ZFHX3: variants seen among roughly 807,000 people sequenced by gnomAD.
The protein encoded by ZFHX3 is zinc finger homeobox 3.
ZFHX3 carries 42 observed loss-of-function variants against 279.1 expected under a neutral mutation model. That is an observed-to-expected ratio of 0.15 (90% confidence interval 0.12 to 0.19). The LOEUF is 0.19. Ranked by LOEUF, ZFHX3 falls within the 10% of genes least tolerant of loss-of-function variation. The pLI is 1.00. For missense variants in ZFHX3, 4,981 were observed against 4,754.0 expected, an observed-to-expected ratio of 1.05 and a Z score of -1.40; for synonymous variants, 2,293 against 1,957.8, an observed-to-expected ratio of 1.17 and a Z score of -4.52.
intron 3 of ZFHX3, among the ~76,000 whole-genome samples, chr16:73,447,095 G>A (rs1203398820): frequency 6.6e-6 from 1 of 151,276 alleles, no homozygotes; most frequent in Non-Finnish European, 1.5e-5. Context: ...GCAGGAGAAT[G>A]GCATGAACCC....
chr16:73,747,716 T>A (rs2053717084), intron 1 of ZFHX3, among the ~76,000 whole-genome samples: 1 of 151,872 alleles, frequency 6.6e-6, no homozygotes, highest in Admixed American at 6.6e-5. Flanking sequence ...ATTGTATATA[T>A]ACAACTTGAT....
At chr16:73,231,845 C>G (rs1201336713) in intron 5 of ZFHX3, among the ~76,000 whole-genome samples, 6 of 152,216 alleles carry the variant, frequency 3.9e-5, no homozygotes, top group Non-Finnish European at 7.3e-5. Context: ...CTCCAAAGCC[C>G]TGCCTTGGAG....
At chr16:72,901,546 A>G (rs906335973) in intron 3 of ZFHX3, among the ~76,000 whole-genome samples, 4 of 152,186 alleles carry the variant, frequency 2.6e-5, no homozygotes, top group African/African-American at 9.7e-5. Context: ...AGAGAATGAG[A>G]AAGTGACGGG....
chr16:73,613,442 TTTTG>T (rs1040946195), intron 2 of ZFHX3, among the ~76,000 whole-genome samples: 7 of 151,892 alleles, frequency 4.6e-5, no homozygotes, highest in African/African-American at 1.7e-4. Flanking sequence ...CTTTTGCTTT[TTTTG>T]TTTGTTTGTT....
At chr16:73,267,190 G>T (rs1002485083) in intron 4 of ZFHX3, among the ~76,000 whole-genome samples, 5 of 152,190 alleles carry the variant, frequency 3.3e-5, no homozygotes, top group Non-Finnish European at 7.3e-5. Flanking sequence ...AAGGAGAAGG[G>T]GGTTCTGATG....
chr16:73,324,897 G>T (rs1030155930), intron 3 of ZFHX3, among the ~76,000 whole-genome samples: 1 of 152,180 alleles, frequency 6.6e-6, no homozygotes, highest in East Asian at 1.9e-4. Flanking sequence ...ACAGCCCAGA[G>T]TGCTTCCAAT....
chr16:73,248,640 A>G (rs559542196), intron 5 of ZFHX3, among the ~76,000 whole-genome samples: 116 of 110,198 alleles, frequency 1.1e-3, no homozygotes, highest in Middle Eastern at 8.2e-3. Flanking sequence ...GTATGTGGAG[A>G]ATGTATGTGT....
intron 1 of ZFHX3, chr16:73,816,048 G>T (rs1169807629): frequency 6.6e-6 from 1 of 152,190 alleles, no homozygotes. Context: ...AAATGGTAGA[G>T]ACTGTATTGG....
intron 3 of ZFHX3, chr16:73,401,260 A>T (rs976685944): frequency 6.6e-6 from 1 of 152,024 alleles, no homozygotes; most frequent in Non-Finnish European, 1.5e-5. Flanking sequence ...TCACAAATGA[A>T]AGTGCTTTGT....
At chr16:73,578,611 C>T (rs1182984812) in intron 2 of ZFHX3, among the ~76,000 whole-genome samples, 2 of 151,892 alleles carry the variant, frequency 1.3e-5, no homozygotes, top group East Asian at 3.8e-4. Context: ...AACAGACACC[C>T]AAGGAAGTGA....
In ZFHX3 at chr16:73,007,999, T is replaced by C. The variant is rs142617499; in HGVS notation, c.-50+39753A>G. Among the ~76,000 whole-genome samples the C allele has an allele frequency of 1.4e-4, 22 of 152,332 alleles. No homozygotes were observed. In the East Asian group the frequency reaches 3.3e-3, roughly 23 times the overall value. Reference sequence around the variant, plus strand: ...TTTCTCTTTTCTTAATTAAACATGATAGTGATTTGGTCTACTTCCTTGGCC... The same window carrying C: ...TTTCTCTTTTCTTAATTAAACATGACAGTGATTTGGTCTACTTCCTTGGCC... On this transcript the variant is annotated intron_variant, in intron 1 of 9. Coordinates refer to ENST00000268489, the MANE Select transcript of ZFHX3 (RefSeq NM_006885.4).
At chr16:73,580,508 C>CAACA (rs1555525964) in intron 2 of ZFHX3, among the ~76,000 whole-genome samples, 1 of 140,140 alleles carries the variant, frequency 7.1e-6, no homozygotes, top group Non-Finnish European at 1.6e-5. Context: ...AACAAACAAA[C>CAACA]AAAAAAAAAA....
At chr16:72,984,032 C>T (rs1211126926) in intron 1 of ZFHX3, among the ~76,000 whole-genome samples, 2 of 152,180 alleles carry the variant, frequency 1.3e-5, no homozygotes, top group Non-Finnish European at 2.9e-5. Flanking sequence ...GGCTTAAATC[C>T]CATGGGTGGG....
chr16:73,192,511 C>T (rs566745638), intron 5 of ZFHX3, among the ~76,000 whole-genome samples: 39 of 152,238 alleles, frequency 2.6e-4, no homozygotes, highest in African/African-American at 8.9e-4. Flanking sequence ...CCGCTGGACT[C>T]GACAGCTCCT....
intron 1 of ZFHX3, among the ~76,000 whole-genome samples, chr16:73,787,308 C>T (rs34498938): frequency 1.2e-4 from 19 of 152,178 alleles, no homozygotes; most frequent in Non-Finnish European, 2.9e-5. Flanking sequence ...AGTGTAAACC[C>T]TTCAATAAAG....
intron 1 of ZFHX3, among the ~76,000 whole-genome samples, chr16:73,760,026 A>C (rs1450918006): frequency 1.3e-5 from 2 of 151,998 alleles, no homozygotes; most frequent in Non-Finnish European, 2.9e-5. Flanking sequence ...TTTAAAAAAA[A>C]ATTAATAAAA....
chr16:73,090,151 C>T (rs536945082), intron 8 of ZFHX3, among the ~76,000 whole-genome samples: 8 of 152,134 alleles, frequency 5.3e-5, no homozygotes, highest in Admixed American at 2.6e-4. Flanking sequence ...CCCAGCACTT[C>T]GGGAGGCCAA....
chr16:72,909,307 C>T (rs569439118), intron 3 of ZFHX3, among the ~76,000 whole-genome samples: 286 of 152,240 alleles, frequency 1.9e-3, no homozygotes, highest in Non-Finnish European at 3.3e-3. Context: ...ATCTCTGTCT[C>T]AACTACTCAA....
At chr16:72,995,508 T>C (rs1307064746) in intron 1 of ZFHX3, among the ~76,000 whole-genome samples, 1 of 152,190 alleles carries the variant, frequency 6.6e-6, no homozygotes. Context: ...ACACCTTCTT[T>C]GTCCCTCCGA....
Sources: gnomAD v4.1 joint callset for allele counts (sites outside exome capture counted in the v4.1 genomes callset) on GRCh38, gnomAD v4.1.1 for gene constraint, MANE v1.5 for transcripts, NCBI Gene and HGNC (gene_info 2026-07-23, HGNC 2026-07-21) for gene names.